Variants in ANXA8 observed in about 807,000 individuals in gnomAD.
The protein encoded by ANXA8 is VAC-beta.
Under a neutral mutation model 26.8 loss-of-function variants are expected in ANXA8, and 9 were observed. That is an observed-to-expected ratio of 0.34 (90% CI 0.20 to 0.59). ANXA8 has a LOEUF of 0.59. ANXA8 is among the 20% of genes least tolerant of loss of function. ANXA8 has a pLI of 0.84. For synonymous variants in ANXA8, 39 were observed against 94.8 expected, an observed-to-expected ratio of 0.41 and a Z score of 3.42; for missense variants, 83 against 238.5, an observed-to-expected ratio of 0.35 and a Z score of 4.29.
At chr10:47,644,946 T>A in the ANXA8 span, among the ~76,000 whole-genome samples, 1 of 151,890 alleles carries the variant, frequency 6.6e-6, no homozygotes, top group East Asian at 1.9e-4. Context: ...ACCTAATCCA[T>A]ATTGCTCCTT....
the ANXA8 span, among the ~76,000 whole-genome samples, chr10:47,701,785 G>A: frequency 1.3e-5 from 2 of 151,564 alleles, no homozygotes; most frequent in Non-Finnish European, 2.9e-5. Flanking sequence ...GGATAGCAGG[G>A]GTCAGGAGGA....
chr10:47,485,570 T>G (rs1337640485), upstream of ANXA8, among the ~76,000 whole-genome samples: 13 of 152,186 alleles, frequency 8.5e-5, no homozygotes, highest in African/African-American at 2.7e-4. Context: ...TCACTTATTT[T>G]TTAAGCAAAA....
chr10:47,482,684 G>T, intron 1 of ANXA8, among the ~76,000 whole-genome samples: 1 of 146,972 alleles, frequency 6.8e-6, no homozygotes. Context: ...CCCTTGTCCT[G>T]GAAGAAGGCT....
the ANXA8 span, among the ~76,000 whole-genome samples, chr10:47,778,452 G>A: frequency 6.6e-6 from 1 of 150,516 alleles, no homozygotes; most frequent in Admixed American, 6.6e-5. Context: ...CCTTGATCTG[G>A]TCTTTGTGGC....
At chr10:47,972,575 G>A in the ANXA8 span, among the ~76,000 whole-genome samples, 1 of 114,112 alleles carries the variant, frequency 8.8e-6, no homozygotes, top group Non-Finnish European at 1.9e-5. Context: ...CCCTCTTATT[G>A]TGCAAAAGAG....
At chr10:47,664,203 C>A in the ANXA8 span, among the ~76,000 whole-genome samples, 1 of 151,766 alleles carries the variant, frequency 6.6e-6, no homozygotes, top group South Asian at 2.1e-4. Context: ...GGGTGAAACC[C>A]CGTCTCTACT....
At chr10:47,743,715 G>A in the ANXA8 span, among the ~76,000 whole-genome samples, 1 of 149,804 alleles carries the variant, frequency 6.7e-6, no homozygotes, top group Non-Finnish European at 1.5e-5. Context: ...GCTCGGGTCC[G>A]GCTGCGGGCC....
chr10:47,712,806 TGTTTGAGACAGA>T, the ANXA8 span, among the ~76,000 whole-genome samples: 4 of 16,408 alleles, frequency 2.4e-4, no homozygotes, highest in African/African-American at 6.3e-4. Flanking sequence ...TTTTTTTGTT[TGTTTGAGACAGA>T]GTTTCATTCT....
At chr10:47,636,919 C>A in the ANXA8 span, among the ~76,000 whole-genome samples, 1 of 151,218 alleles carries the variant, frequency 6.6e-6, no homozygotes, top group Non-Finnish European at 1.5e-5. Flanking sequence ...CCATATCTCA[C>A]CATGTGGATG....
chr10:47,908,986 G>A, the ANXA8 span, among the ~76,000 whole-genome samples: 3 of 72,474 alleles, frequency 4.1e-5, 1 homozygote, highest in Non-Finnish European at 8.2e-5. Flanking sequence ...TTGGATCTGG[G>A]AATTTTCTCA....
chr10:47,647,980 T>C, the ANXA8 span, among the ~76,000 whole-genome samples: 89 of 151,926 alleles, frequency 5.9e-4, no homozygotes, highest in Non-Finnish European at 9.6e-4. Context: ...AGACTGGAGT[T>C]ATTAAAATTT....
chr10:47,646,716 G>A, the ANXA8 span, among the ~76,000 whole-genome samples: 1 of 151,744 alleles, frequency 6.6e-6, no homozygotes, highest in East Asian at 1.9e-4. Context: ...TTCTTGGCTA[G>A]GATAAATTTA....
chr10:47,958,580 G>A, the ANXA8 span, among the ~76,000 whole-genome samples: 138 of 147,862 alleles, frequency 9.3e-4, no homozygotes, highest in Middle Eastern at 3.5e-3. Context: ...TGATGGCTTC[G>A]CCTCCTCCTC....
At chr10:47,675,919 A>G in the ANXA8 span, among the ~76,000 whole-genome samples, 1 of 151,710 alleles carries the variant, frequency 6.6e-6, no homozygotes, top group Admixed American at 6.6e-5. Flanking sequence ...ATTATGCCAA[A>G]GAACCAAGTT....
chr10:47,527,678 T>C, the ANXA8 span, among the ~76,000 whole-genome samples: 1 of 141,080 alleles, frequency 7.1e-6, no homozygotes, highest in African/African-American at 2.6e-5. Context: ...GTGAGCTGGA[T>C]GTCAGGCAGT....
At chr10:47,658,273 C>G in the ANXA8 span, among the ~76,000 whole-genome samples, 1 of 149,638 alleles carries the variant, frequency 6.7e-6, no homozygotes, top group African/African-American at 2.6e-5. Context: ...GTAGTCCCAA[C>G]TACTTGGGAG....
the ANXA8 span, among the ~76,000 whole-genome samples, chr10:47,554,831 C>G: frequency 1.3e-5 from 2 of 151,954 alleles, no homozygotes; most frequent in South Asian, 2.1e-4. Context: ...TCCCTTATCC[C>G]TGAAGAGCTT....
chr10:47,647,151 T>C, the ANXA8 span, among the ~76,000 whole-genome samples: 2 of 152,376 alleles, frequency 1.3e-5, no homozygotes, highest in African/African-American at 2.4e-5. Flanking sequence ...TCTTTCATAA[T>C]GCTTCTTGCA....
At chr10:47,743,303 T>TATATACATATATATATAC in the ANXA8 span, among the ~76,000 whole-genome samples, 8 of 53,940 alleles carry the variant, frequency 1.5e-4, 1 homozygote, top group South Asian at 8.2e-4. Flanking sequence ...TACACATATA[T>TATATACATATATATATAC]ATATATATAC....
Sources: allele counts gnomAD v4.1 joint callset (sites outside exome capture counted in the v4.1 genomes callset), GRCh38; gene constraint gnomAD v4.1.1; transcripts MANE v1.5; gene names NCBI Gene and HGNC (gene_info 2026-07-23, HGNC 2026-07-21).